GMDS: variants seen among roughly 807,000 people sequenced by gnomAD.
GMDS encodes GDP-mannose 4,6 dehydratase.
A neutral mutation model predicts 49.9 loss-of-function variants in GMDS; 20 were observed. The observed-to-expected ratio is 0.40, with a 90% confidence interval of 0.28 to 0.58. The LOEUF is 0.58. Ranked by LOEUF, GMDS falls within the 20% of genes least tolerant of loss-of-function variation. The probability of loss-of-function intolerance (pLI) is 0.42; values close to 1 mark genes in which losing one functional copy is unlikely to be tolerated. For synonymous variants in GMDS, 177 were observed against 178.6 expected (o/e 0.99, Z 0.07); for missense variants, 362 against 481.4 (o/e 0.75, Z 2.32).
chr6:2,229,195 A>G (rs1198696348), intron 1 of GMDS, among the ~76,000 whole-genome samples: 2 of 152,194 alleles, frequency 1.3e-5, no homozygotes, highest in African/African-American at 4.8e-5. Context: ...CCAGGATAAC[A>G]ATGTTCTCAT....
intron 7 of GMDS, among the ~76,000 whole-genome samples, chr6:1,900,980 T>C (rs145892742): frequency 1.0e-3 from 156 of 152,338 alleles, no homozygotes; most frequent in Non-Finnish European, 1.8e-3. Flanking sequence ...GCTGCAACTT[T>C]TTCCTTCCCA....
intron 9 of GMDS, among the ~76,000 whole-genome samples, chr6:1,642,910 T>G (rs1028926796): frequency 6.6e-6 from 1 of 152,162 alleles, no homozygotes; most frequent in African/African-American, 2.4e-5. Context: ...CCTTCCTCAC[T>G]GAGTTTTTTC....
At chr6:1,711,135 T>G (rs2113392790) in intron 9 of GMDS, among the ~76,000 whole-genome samples, 1 of 152,358 alleles carries the variant, frequency 6.6e-6, no homozygotes, top group East Asian at 1.9e-4. Flanking sequence ...AGCTTTTATC[T>G]AATTCTTCAA....
intron 7 of GMDS, among the ~76,000 whole-genome samples, chr6:1,776,526 G>GAA (rs534951952): frequency 5.1e-5 from 7 of 136,696 alleles, no homozygotes; most frequent in Admixed American, 7.5e-5. Context: ...TGTCTCTACA[G>GAA]AAAAAAAAAA....
intron 9 of GMDS, among the ~76,000 whole-genome samples, chr6:1,722,993 A>G (rs958920730): frequency 1.3e-5 from 2 of 152,244 alleles, no homozygotes; most frequent in Non-Finnish European, 2.9e-5. Flanking sequence ...ATGTTGCTCA[A>G]TTGAGCTTTA....
chr6:2,069,109 G>A (rs960685621), intron 4 of GMDS, among the ~76,000 whole-genome samples: 2 of 152,064 alleles, frequency 1.3e-5, no homozygotes, highest in African/African-American at 2.4e-5. Flanking sequence ...CAGGAATAAC[G>A]TCGCGTATCT....
Position 1,874,485 on chromosome 6 carries a change from T to C in GMDS, c.771+55618A>G, listed in dbSNP as rs3800112. ...TGGTGGAGAGAGAGGACATGATAGTTTGAAATAACATTAATTAATCCTAGT... is the reference window on the plus strand; with the variant it reads ...TGGTGGAGAGAGAGGACATGATAGTCTGAAATAACATTAATTAATCCTAGT... On this transcript the variant is annotated intron_variant, in intron 7 of 10. Transcript: ENST00000380815. 1.0e-3 allele frequency among the ~76,000 whole-genome samples: 154 copies of C among 152,222 alleles called. No homozygotes were observed. The East Asian group carries it at 0.016, about 16-fold the overall frequency.
chr6:1,917,911 G>A (rs896324862), intron 7 of GMDS, among the ~76,000 whole-genome samples: 3 of 152,160 alleles, frequency 2.0e-5, no homozygotes, highest in African/African-American at 2.4e-5. Flanking sequence ...GGTGATGTGC[G>A]ACCAGGGAGG....
intron 9 of GMDS, among the ~76,000 whole-genome samples, chr6:1,714,253 C>T (rs996000086): frequency 2.0e-5 from 3 of 152,132 alleles, no homozygotes; most frequent in Admixed American, 6.5e-5. Flanking sequence ...CTCCTGACCT[C>T]GTGATCCACC....
chr6:1,849,734 A>G lies in GMDS; in HGVS notation c.771+80369T>C, dbSNP rs116527471. 4.0e-3 allele frequency among the ~76,000 whole-genome samples: 610 copies of G among 152,302 alleles called. 1 individual carries two copies. Among genetic ancestry groups the G allele is most frequent in the Non-Finnish European group, 5.2e-3 (353 of 68,024 alleles). ...AGCTCTTTATTCTAAAGAGTCTACT[A>G]TAAGAATTACCCTATTATGTCTAGA... On this transcript the variant is annotated intron_variant, in intron 7 of 10. Transcript: ENST00000380815.
At chr6:1,902,821 A>G (rs996191621) in intron 7 of GMDS, among the ~76,000 whole-genome samples, 1 of 152,216 alleles carries the variant, frequency 6.6e-6, no homozygotes, top group African/African-American at 2.4e-5. Context: ...AAATCTGTTC[A>G]GCACATAAAC....
At chr6:1,832,457 G>C (rs1197715409) in intron 7 of GMDS, among the ~76,000 whole-genome samples, 1 of 152,050 alleles carries the variant, frequency 6.6e-6, no homozygotes, top group Non-Finnish European at 1.5e-5. Context: ...ATTTGACTCT[G>C]TGACTGGAGT....
At chr6:2,064,193 T>C (rs1293344366) in intron 4 of GMDS, among the ~76,000 whole-genome samples, 2 of 152,232 alleles carry the variant, frequency 1.3e-5, no homozygotes, top group Admixed American at 1.3e-4. Flanking sequence ...ATAAGTTATG[T>C]TTTCATTGAT....
intron 4 of GMDS, among the ~76,000 whole-genome samples, chr6:2,041,992 C>G (rs1006915260): frequency 3.9e-5 from 6 of 152,150 alleles, no homozygotes; most frequent in Non-Finnish European, 8.8e-5. Context: ...CCAAGGAAAT[C>G]GCTTTAATGG....
chr6:1,842,424 T>TG (rs375782010), intron 7 of GMDS, among the ~76,000 whole-genome samples: 19 of 152,070 alleles, frequency 1.2e-4, no homozygotes, highest in African/African-American at 4.6e-4. Context: ...GCTAGGGAGA[T>TG]GGGAGAGGAG....
intron 7 of GMDS, among the ~76,000 whole-genome samples, chr6:1,757,756 G>A (rs150835437): frequency 6.6e-6 from 1 of 152,304 alleles, no homozygotes; most frequent in African/African-American, 2.4e-5. Context: ...GGTGGATGTA[G>A]ACAGGACTTT....
intron 1 of GMDS, among the ~76,000 whole-genome samples, chr6:2,144,268 A>AC (rs1194693155): frequency 1.3e-5 from 2 of 152,170 alleles, no homozygotes; most frequent in African/African-American, 4.8e-5. Flanking sequence ...AGGTGTGGTC[A>AC]CAAGAGGCCA....
chr6:1,997,964 G>C (rs1256367502), intron 4 of GMDS, among the ~76,000 whole-genome samples: 1 of 152,138 alleles, frequency 6.6e-6, no homozygotes, highest in African/African-American at 2.4e-5. Context: ...CCTCTCAGAG[G>C]CAGTACAAGA....
chr6:1,918,394 G>A lies in GMDS; in HGVS notation c.771+11709C>T, dbSNP rs1401365140. ...TTTTTAAATATTATTTTGTAAAACA[G>A]GGCCAGTTTATCCTTCTGCCTTTCC... On this transcript the variant is annotated intron_variant, in intron 7 of 10. Transcript: ENST00000380815. Among the ~76,000 whole-genome samples, 2 of 152,112 alleles carry A rather than the reference G, an allele frequency of 1.3e-5. 1 individual carries two copies. The highest frequency in any genetic ancestry group is 2.9e-5 in the Non-Finnish European group (2 of 68,036).
Sources: allele counts gnomAD v4.1 joint callset (sites outside exome capture counted in the v4.1 genomes callset), GRCh38; gene constraint gnomAD v4.1.1; transcripts MANE v1.5; gene names NCBI Gene and HGNC (gene_info 2026-07-23, HGNC 2026-07-21).